Variants in SHC4 observed in about 807,000 individuals in gnomAD.
SHC4 encodes SHC adaptor protein 4, also known as SHC-transforming protein 4.
A neutral mutation model predicts 69.4 loss-of-function variants in SHC4; 41 were observed. That is an observed-to-expected ratio of 0.59 (90% CI 0.46 to 0.77). The LOEUF (loss-of-function observed/expected upper bound fraction) is 0.77. SHC4 is among the 30% of genes least tolerant of loss of function. SHC4 has a pLI of 0.00. For missense variants in SHC4, 777 were observed against 783.8 expected (o/e 0.99, Z 0.10); for synonymous variants, 318 against 299.3 (o/e 1.06, Z -0.64).
At chr15:48,888,606 A>T (rs909881696) in intron 3 of SHC4, among the ~76,000 whole-genome samples, 27 of 152,196 alleles carry the variant, frequency 1.8e-4, no homozygotes, top group African/African-American at 6.0e-4. Context: ...AAAAGGGTTA[A>T]GATGAGGCTG....
At chr15:48,951,993 C>T (rs919162171) in intron 1 of SHC4, among the ~76,000 whole-genome samples, 1 of 152,062 alleles carries the variant, frequency 6.6e-6, no homozygotes, top group African/African-American at 2.4e-5. Context: ...TTAGTCTTTG[C>T]GCTGCTGCCG....
At chr15:48,928,261 CCT>C (rs1411213345) in intron 1 of SHC4, among the ~76,000 whole-genome samples, 4 of 152,128 alleles carry the variant, frequency 2.6e-5, no homozygotes, top group African/African-American at 9.7e-5. Flanking sequence ...CAACACACAA[CCT>C]AGACCGAGGA....
intron 11 of SHC4, among the ~76,000 whole-genome samples, chr15:48,827,931 A>C (rs1376022924): frequency 6.6e-6 from 1 of 152,068 alleles, no homozygotes; most frequent in East Asian, 1.9e-4. Context: ...GCCTTTTTTA[A>C]CACAGCCCAC....
At chr15:48,880,981 T>TGA (rs146571045) in intron 4 of SHC4, among the ~76,000 whole-genome samples, 14,204 of 114,196 alleles carry the variant, frequency 0.12, 763 homozygotes, top group Non-Finnish European at 0.15. Flanking sequence ...ATGATGTGTG[T>TGA]GAGAGTGTGT....
rs146123641 is a variant in SHC4, at chr15:48,825,498, T to C, written c.*473A>G. ...ATAAAGTCAATAAGGCTCAAGAAAA[T>C]TGCTTATTTTTTGTAGCAAGAAAAG... On this transcript the variant is annotated 3_prime_UTR_variant, in exon 12 of 12. Coordinates refer to ENST00000332408, the MANE Select transcript of SHC4 (RefSeq NM_203349.4). 1.4e-3 allele frequency: 210 copies of C among 153,218 alleles called. No homozygotes were observed. The highest frequency in any genetic ancestry group is 2.5e-3 in the Non-Finnish European group (171 of 68,384). The allele number at this position is 153,218 out of a possible 1,614,324, so 9.5% of individuals were successfully genotyped here. A position where few individuals can be genotyped will look rare whatever the true frequency, so the allele number is the denominator to read the frequency against.
intron 3 of SHC4, among the ~76,000 whole-genome samples, chr15:48,888,007 T>C (rs1262225507): frequency 2.6e-4 from 40 of 152,266 alleles, no homozygotes. Flanking sequence ...CCCTTGTGCA[T>C]TATTGGTGGG....
rs1016815864 is a variant in SHC4, at chr15:48,963,283, C to G, written c.-268G>C. The stretch of plus-strand genomic sequence containing the variant: ...CGCCTTGGAATCCTTGTCGGGAGAG[C>G]CTAGACCCAGGCTCCCGGCGGCGCG... On this transcript the variant is annotated 5_prime_UTR_variant, in exon 1 of 12. Coordinates refer to ENST00000332408, the MANE Select transcript of SHC4 (RefSeq NM_203349.4). The G allele has an allele frequency of 1.5e-5, 6 of 406,842 alleles. No homozygotes were observed. The highest frequency in any genetic ancestry group is 1.2e-4 in the African/African-American group (6 of 49,336). 25.2% of individuals were successfully genotyped at this position (406,842 alleles called of 1,614,324 possible).
chr15:48,852,399 A>G (rs1899231592), intron 8 of SHC4, among the ~76,000 whole-genome samples: 1 of 152,254 alleles, frequency 6.6e-6, no homozygotes, highest in Admixed American at 6.5e-5. Flanking sequence ...CATATGTAAT[A>G]AAGCAAATAT....
chr15:48,826,545 T>C (rs1344792780), intron 11 of SHC4, among the ~76,000 whole-genome samples: 1 of 152,162 alleles, frequency 6.6e-6, no homozygotes, highest in East Asian at 1.9e-4. Context: ...CTGTAGTCCC[T>C]AGTCAACAAT....
intron 11 of SHC4, 42 bp from the exon 12 acceptor site, chr15:48,826,168 AG>A: frequency 6.4e-7 from 1 of 1,555,658 alleles, no homozygotes; most frequent in Non-Finnish European, 8.7e-7. Flanking sequence ...AAATTATAGT[AG>A]TTCTCCTGAA....
intron 1 of SHC4, among the ~76,000 whole-genome samples, chr15:48,939,536 G>A (rs1219041091): frequency 6.6e-6 from 1 of 152,194 alleles, no homozygotes; most frequent in Non-Finnish European, 1.5e-5. Flanking sequence ...AATTCAATGA[G>A]CTCTTAGAGG....
At chr15:48,901,837 G>A (rs888026206) in intron 2 of SHC4, among the ~76,000 whole-genome samples, 7 of 152,102 alleles carry the variant, frequency 4.6e-5, no homozygotes, top group African/African-American at 1.7e-4. Flanking sequence ...TAATAATAGT[G>A]CTTTGAACAG....
intron 2 of SHC4, among the ~76,000 whole-genome samples, chr15:48,902,334 T>C (rs1900332323): frequency 6.6e-6 from 1 of 152,174 alleles, no homozygotes; most frequent in Non-Finnish European, 1.5e-5. Flanking sequence ...ATGTCTATCA[T>C]GTGTATAGTA....
chr15:48,835,806 AG>A (rs910199764), intron 10 of SHC4, among the ~76,000 whole-genome samples: 1 of 152,160 alleles, frequency 6.6e-6, no homozygotes, highest in Non-Finnish European at 1.5e-5. Context: ...TCATTTATCA[AG>A]TGTGATAGAA....
chr15:48,884,081 A>T (rs775986195), intron 4 of SHC4, among the ~76,000 whole-genome samples, 167 bp downstream of exon 4: 2 of 152,246 alleles, frequency 1.3e-5, no homozygotes, highest in African/African-American at 2.4e-5. Context: ...ATGGGTTAGT[A>T]ATGCTGTTGT....
chr15:48,835,680 G>A (rs1314029049), intron 10 of SHC4, among the ~76,000 whole-genome samples: 5 of 152,144 alleles, frequency 3.3e-5, no homozygotes, highest in Admixed American at 1.3e-4. Flanking sequence ...TCCCCAAGGC[G>A]CTGCTGAATA....
At chr15:48,931,165 TA>T (rs1900957959) in intron 1 of SHC4, among the ~76,000 whole-genome samples, 1 of 152,192 alleles carries the variant, frequency 6.6e-6, no homozygotes, top group African/African-American at 2.4e-5. Context: ...TCTTATTTTT[TA>T]AAAACAATGG....
chr15:48,884,195 G>A lies in SHC4; in HGVS notation c.840+53C>T, dbSNP rs557501688. On this transcript the variant is annotated intron_variant, in intron 4 of 11. Transcript: ENST00000332408. ...ACTTTATTCTTTTCATTATCCCCAC[G>A]CTTCTCTGAAAAAATAGATATGTTT... The A allele has an allele frequency of 2.2e-5, 34 of 1,525,908 alleles. No individual in the cohort carries two copies. The African/African-American group carries it at 3.0e-4, about 13-fold the overall frequency. 94.5% of individuals were successfully genotyped at this position (1,525,908 alleles called of 1,614,324 possible). A position where few individuals can be genotyped will look rare whatever the true frequency, so the allele number is the denominator to read the frequency against.
At chr15:48,933,448 T>C (rs1193834240) in intron 1 of SHC4, among the ~76,000 whole-genome samples, 1 of 152,154 alleles carries the variant, frequency 6.6e-6, no homozygotes, top group Non-Finnish European at 1.5e-5. Context: ...GGAAAAAACA[T>C]CCCATGTTCA....
Sources: allele counts gnomAD v4.1 joint callset (sites outside exome capture counted in the v4.1 genomes callset), GRCh38; gene constraint gnomAD v4.1.1; transcripts MANE v1.5; gene names NCBI Gene and HGNC (gene_info 2026-07-23, HGNC 2026-07-21).